The following DNAH11 variants were observed in gnomAD, a reference collection of about 807,000 sequenced individuals.
DNAH11 encodes the protein axonemal beta dynein heavy chain 11.
A neutral mutation model predicts 526.0 loss-of-function variants in DNAH11; 442 were observed. The observed-to-expected ratio is 0.84, with a 90% CI of 0.78 to 0.91. DNAH11 has a LOEUF of 0.91. Among genes scored for constraint, DNAH11 ranks in the 40% least tolerant of loss-of-function variants. The pLI, the probability that DNAH11 is intolerant of heterozygous loss-of-function variation, is 0.00. For missense variants in DNAH11, 6,989 were observed against 5,448.7 expected, an observed-to-expected ratio of 1.28 and a Z score of -8.90; for synonymous variants, 2,461 against 1,935.9, an observed-to-expected ratio of 1.27 and a Z score of -7.12.
At chr7:21,676,814 G>T (rs576124726) in intron 30 of DNAH11, among the ~76,000 whole-genome samples, 2 of 152,300 alleles carry the variant, frequency 1.3e-5, no homozygotes, top group South Asian at 4.1e-4. Context: ...ATACTGCAAA[G>T]ACCGGATATC....
Position 21,864,670 on chromosome 7 carries a change from TAC to T in DNAH11, c.11496+15_11496+16del. ...GAGTGCTATCAAGGTATGTTAGGAA[TAC>T]AGTTTCTCAAATTCTGGATCTTATT... On this transcript the variant is annotated intron_variant, in intron 70 of 81. Transcript: ENST00000409508. 6.4e-7 allele frequency: 1 copy of T among 1,562,116 alleles called. No individual in the cohort carries two copies. The highest frequency in any genetic ancestry group is 8.6e-7 in the Non-Finnish European group (1 of 1,156,280).
At chr7:21,554,788 T>G (rs1408504189) in intron 2 of DNAH11, among the ~76,000 whole-genome samples, 1 of 152,222 alleles carries the variant, frequency 6.6e-6, no homozygotes, top group Non-Finnish European at 1.5e-5. Context: ...AGTCTCTCCC[T>G]GTCTATGGGA....
At chr7:21,762,331 A>G (rs1445349379) in intron 54 of DNAH11, among the ~76,000 whole-genome samples, 1 of 152,254 alleles carries the variant, frequency 6.6e-6, no homozygotes, top group Non-Finnish European at 1.5e-5. Flanking sequence ...ATTGGATACT[A>G]TGCCAGTTAC....
chr7:21,758,619 A>C (rs1291777225), intron 54 of DNAH11, among the ~76,000 whole-genome samples: 1 of 152,236 alleles, frequency 6.6e-6, no homozygotes, highest in African/African-American at 2.4e-5. Context: ...AAGATAACAG[A>C]AGACAGGGCA....
At chr7:21,619,818 G>T in intron 24 of DNAH11, 138 bp from the exon 25 acceptor site, 1 of 745,370 alleles carries the variant, frequency 1.3e-6, no homozygotes, top group Non-Finnish European at 2.2e-6. Flanking sequence ...TGAATTACTT[G>T]GAGGAAAAAA....
chr7:21,689,749 C>T (rs932922572), intron 34 of DNAH11, among the ~76,000 whole-genome samples: 4 of 152,242 alleles, frequency 2.6e-5, no homozygotes, highest in African/African-American at 4.8e-5. Context: ...GTCCTAAACA[C>T]TGTGGTTTCT....
chr7:21,683,758 G>T (rs377636430), intron 31 of DNAH11, 26 bp from the exon 32 acceptor site: 2 of 1,556,402 alleles, frequency 1.3e-6, no homozygotes, highest in African/African-American at 2.7e-5. Context: ...AGTGTCCTGC[G>T]TATGATGATT....
chr7:21,696,758 C>A (rs1217815704), intron 35 of DNAH11, among the ~76,000 whole-genome samples: 1 of 152,148 alleles, frequency 6.6e-6, no homozygotes, highest in Non-Finnish European at 1.5e-5. Context: ...TGTGCTTGAA[C>A]TTCTGGGAAC....
chr7:21,847,622 G>A (rs1408066321), intron 66 of DNAH11, among the ~76,000 whole-genome samples: 1 of 152,166 alleles, frequency 6.6e-6, no homozygotes, highest in Non-Finnish European at 1.5e-5. Flanking sequence ...ATGTGAGCTT[G>A]AGAAAAATGT....
chr7:21,615,200 C>T lies in DNAH11; in HGVS notation c.3939C>T (p.Tyr1313=). The part of the protein sequence containing the change: ...TRLFEVALPE[Y]KQMKQCRKEI... ...TTTTTGAAGTGGCTCTTCCAGAGTACAAACAAATGAAACAGTGTCGCAAAG... is the reference window on the plus strand; with the variant it reads ...TTTTTGAAGTGGCTCTTCCAGAGTATAAACAAATGAAACAGTGTCGCAAAG... The change falls in exon 21 of 82, where the codon TAC becomes TAT. Residue 1313 remains tyrosine, a synonymous_variant. Transcript: ENST00000409508. 9.3e-6 allele frequency: 15 copies of T among 1,613,080 alleles called. No individual in the cohort carries two copies. The highest frequency in any genetic ancestry group is 2.2e-5 in the East Asian group (1 of 44,788).
intron 35 of DNAH11, among the ~76,000 whole-genome samples, chr7:21,692,161 T>C (rs1250065877): frequency 6.6e-6 from 1 of 152,230 alleles, no homozygotes; most frequent in Admixed American, 6.5e-5. Flanking sequence ...TTATGTTTTA[T>C]TAGAGAAAGA....
chr7:21,750,300 G>T lies in DNAH11; in HGVS notation c.8876G>T (p.Gly2959Val), dbSNP rs761227655. Residue 2959 changes from glycine (G) to valine (V), a missense_variant, in exon 54 of 82, where the codon GGC (glycine) becomes GTC (valine). Gly to Val is a moderately radical substitution (Grantham distance 109, BLOSUM62 -3). Coordinates refer to ENST00000409508, the MANE Select transcript of DNAH11 (RefSeq NM_001277115.2). ...SGIHNEVHAL[G>V]MVDSRENCWK... is the part of the protein sequence containing the mutation. ...ATTCATAATGAAGTTCATGCTCTGG[G>T]CATGGTAGACTCCAGGGAAAACTGT... 1 of 1,605,586 alleles carries T rather than the reference G, an allele frequency of 6.2e-7. No individual in the cohort carries two copies. Among genetic ancestry groups the T allele is most frequent in the East Asian group, 2.2e-5 (1 of 44,670 alleles).
chr7:21,818,078 C>T (rs1417070994), intron 64 of DNAH11, 139 bp from the exon 65 acceptor site: 2 of 729,480 alleles, frequency 2.7e-6, no homozygotes, highest in South Asian at 2.1e-5. Flanking sequence ...TGGAAGGGAA[C>T]TACTACTTTA....
intron 28 of DNAH11, among the ~76,000 whole-genome samples, chr7:21,647,404 G>A (rs1480824904): frequency 1.3e-5 from 2 of 150,916 alleles, no homozygotes; most frequent in Non-Finnish European, 3.0e-5. Flanking sequence ...TAAGCAGACA[G>A]TGGAGTAGCA....
At chr7:21,799,527 A>G (rs370051456) in intron 61 of DNAH11, among the ~76,000 whole-genome samples, 1,790 of 152,012 alleles carry the variant, frequency 0.012, 39 homozygotes, top group African/African-American at 0.041. Context: ...TAGTAGAGAC[A>G]AGGTTTCGCC....
At chr7:21,811,217 C>G (rs946813685) in intron 63 of DNAH11, among the ~76,000 whole-genome samples, 2 of 152,102 alleles carry the variant, frequency 1.3e-5, no homozygotes, top group Admixed American at 6.5e-5. Context: ...AATCCCAGCA[C>G]TTTGGGAGGC....
chr7:21,555,804 C>A (rs1783197014), intron 2 of DNAH11, among the ~76,000 whole-genome samples: 1 of 152,096 alleles, frequency 6.6e-6, no homozygotes, highest in South Asian at 2.1e-4. Flanking sequence ...ATAGAGTGGG[C>A]CACTTAAATT....
rs148241086 is a variant in DNAH11 at position 21,797,496 on chromosome 7, G to A, written c.10027-3641G>A. ...GGCCTCCCAAAATGCTGGGATTAGA[G>A]GCTTGAGCCACCACACCCAGCCCTT... On this transcript the variant is annotated intron_variant, in intron 61 of 81. Transcript: ENST00000409508. 5.0e-3 allele frequency among the ~76,000 whole-genome samples: 740 copies of A among 149,056 alleles called. 28 individuals are homozygous for A. The highest frequency in any genetic ancestry group is 0.018 in the African/African-American group (703 of 38,476).
At chr7:21,866,775 G>C in intron 71 of DNAH11, 112 bp downstream of exon 71, 1 of 1,155,714 alleles carries the variant, frequency 8.7e-7, no homozygotes. Context: ...GATGGGGAGT[G>C]ATTCTGCTGA....
Sources: allele counts gnomAD v4.1 joint callset (sites outside exome capture counted in the v4.1 genomes callset), GRCh38; gene constraint gnomAD v4.1.1; transcripts MANE v1.5; gene names NCBI Gene and HGNC (gene_info 2026-07-23, HGNC 2026-07-21).